The following KATNIP variants were observed in gnomAD, a reference collection of about 807,000 sequenced individuals.
The protein encoded by KATNIP is katanin-interacting protein.
In KATNIP, 126 loss-of-function variants were observed where a neutral mutation model predicts 174.0. That is an observed-to-expected ratio of 0.72 (90% CI 0.63 to 0.84). The LOEUF (loss-of-function observed/expected upper bound fraction) is 0.84, where lower values mean the gene tolerates loss of function less well. KATNIP is among the 40% of genes least tolerant of loss of function. KATNIP has a pLI of 0.00. For missense variants in KATNIP, 1,958 were observed against 2,109.7 expected, an observed-to-expected ratio of 0.93 and a Z score of 1.41; for synonymous variants, 810 against 835.7, an observed-to-expected ratio of 0.97 and a Z score of 0.53.
At chr16:27,670,913 C>T (rs558060019) in intron 6 of KATNIP, among the ~76,000 whole-genome samples, 10 of 152,182 alleles carry the variant, frequency 6.6e-5, no homozygotes, top group South Asian at 2.1e-4. Flanking sequence ...GGGTGCTGGC[C>T]GGGCGTAGTG....
Position 27,749,780 on chromosome 16 carries a change from C to G in KATNIP, c.2820C>G (p.Pro940=), listed in dbSNP as rs144550008. 60 of 1,610,124 alleles carry G rather than the reference C, an allele frequency of 3.7e-5. 1 individual carries two copies. In the African/African-American group the frequency reaches 7.3e-4, roughly 20 times the overall value. Residue 940 remains proline (P), a synonymous_variant, in exon 16 of 28, where the codon CCC becomes CCG. Transcript: ENST00000261588. ...GCAGCCGGCACAGCGACTTGCCCCC[C>G]TCCAAGAAGGGGGAGCAGCCAGGGC... The part of the protein sequence containing the change: ...QKSSRHSDLP[P]SKKGEQPGLS...
Position 27,740,428 on chromosome 16 carries a change from A to C in KATNIP, c.2131A>C (p.Met711Leu). ...LSAVPTSMGD[M>L]PSAPATSPPV... ...GGCAGTCCCCACTTCGATGGGTGAC[A>C]TGCCCAGTGCTCCTGCCACTTCCCC... Residue 711 changes from methionine (M) to leucine (L), a missense_variant, in exon 15 of 28, where the codon ATG becomes CTG. Physicochemically the swap from Met to Leu is conservative, Grantham distance 15. Coordinates refer to ENST00000261588, the MANE Select transcript of KATNIP (RefSeq NM_015202.5). 2.5e-6 allele frequency: 4 copies of C among 1,614,038 alleles called. No homozygotes were observed. The highest frequency in any genetic ancestry group is 3.4e-6 in the Non-Finnish European group (4 of 1,180,036).
chr16:27,574,556 T>G (rs1466736201), intron 2 of KATNIP, among the ~76,000 whole-genome samples: 1 of 136,752 alleles, frequency 7.3e-6, no homozygotes, highest in African/African-American at 2.7e-5. Flanking sequence ...CCACTTTCTA[T>G]TCTTTTTTTT....
intron 8 of KATNIP, among the ~76,000 whole-genome samples, chr16:27,692,196 C>T (rs181815694): frequency 5.3e-5 from 8 of 152,334 alleles, no homozygotes; most frequent in African/African-American, 1.7e-4. Flanking sequence ...TTGCACCCCA[C>T]GTGTCAGGTG....
At position 27,707,048 on chromosome 16, in the gene KATNIP, G is replaced by A. The variant is rs1331440096; in HGVS notation, c.1390-1657G>A. On this transcript the variant is annotated intron_variant, in intron 12 of 27. Coordinates refer to ENST00000261588, the MANE Select transcript of KATNIP (RefSeq NM_015202.5). ...GCCCTATCTTTTATCCAGGAGCTGT[G>A]AGCTGACCTCTCTCCCTCCTCCCTA... Among the ~76,000 whole-genome samples, 3 of 152,166 alleles carry A rather than the reference G, an allele frequency of 2.0e-5. No homozygotes were observed. In the East Asian group the frequency reaches 5.8e-4, roughly 29 times the overall value.
intron 3 of KATNIP, among the ~76,000 whole-genome samples, chr16:27,622,577 C>G (rs979009076): frequency 9.2e-5 from 14 of 152,174 alleles, no homozygotes; most frequent in African/African-American, 3.4e-4. Flanking sequence ...CTCTAGACTG[C>G]AGGGGGTAGA....
In KATNIP at chr16:27,648,693, T is replaced by A. The variant is rs2077033322; in HGVS notation, c.498T>A (p.Asp166Glu). The A allele has an allele frequency of 6.2e-7, 1 of 1,614,066 alleles. No homozygotes were observed. The highest frequency in any genetic ancestry group is 1.3e-5 in the African/African-American group (1 of 74,918). ...CTGATGATTTTGAGCTGTGTGGGGA[T>A]GTGACTCTCCAGGCAAACAACACTT... is the stretch of plus-strand genomic sequence containing the variant. ...DYSDDFELCG[D>E]VTLQANNTSE... The change falls in exon 6 of 28, where the codon GAT (aspartate) becomes GAA (glutamate). Residue 166 changes from aspartate to glutamate, a missense_variant. Physicochemically the swap from Asp to Glu is conservative, Grantham distance 45 (BLOSUM62 2). Around this residue, in one of 3 missense-constraint regions of KATNIP, gnomAD observed 1,557 missense variants for 1,617.8 expected, o/e 0.96. Transcript: ENST00000261588.
At chr16:27,610,627 A>AG (rs983286797) in intron 2 of KATNIP, among the ~76,000 whole-genome samples, 4 of 152,062 alleles carry the variant, frequency 2.6e-5, no homozygotes, top group African/African-American at 9.7e-5. Flanking sequence ...GTACAACATC[A>AG]GGGGGCACAA....
At chr16:27,647,636 G>T (rs920067974) in intron 5 of KATNIP, among the ~76,000 whole-genome samples, 8 of 152,088 alleles carry the variant, frequency 5.3e-5, no homozygotes, top group Non-Finnish European at 1.2e-4. Flanking sequence ...CTCCTGAGTA[G>T]CTGGGACTAC....
intron 1 of KATNIP, among the ~76,000 whole-genome samples, chr16:27,555,367 G>A (rs540578554): frequency 1.3e-5 from 2 of 152,238 alleles, no homozygotes; most frequent in African/African-American, 4.8e-5. Context: ...ATCTGTTTCT[G>A]TGATGCAGTG....
intron 10 of KATNIP, 91 bp downstream of exon 10, chr16:27,699,690 C>A: frequency 6.4e-7 from 1 of 1,565,630 alleles, no homozygotes; most frequent in Non-Finnish European, 8.7e-7. Flanking sequence ...AAGCCCTATG[C>A]ATGTGCATAG....
At chr16:27,560,139 G>A (rs1479571163) in intron 1 of KATNIP, among the ~76,000 whole-genome samples, 4 of 151,268 alleles carry the variant, frequency 2.6e-5, no homozygotes, top group Non-Finnish European at 4.4e-5. Context: ...AAAATTAGCC[G>A]GGCGTGGTGG....
chr16:27,557,824 G>C lies in KATNIP; in HGVS notation c.7+7647G>C, dbSNP rs188092485. 4.2e-3 allele frequency among the ~76,000 whole-genome samples: 634 copies of C among 152,176 alleles called. 3 individuals carry two copies. The highest frequency in any genetic ancestry group is 6.5e-3 in the Non-Finnish European group (439 of 68,004). On this transcript the variant is annotated intron_variant, in intron 1 of 27. Transcript: ENST00000261588. ...ATAATGTTTTGTTTTTTAAATTTTT[G>C]AATTAGTTGTCAACATTGAAAAATG...
intron 5 of KATNIP, among the ~76,000 whole-genome samples, chr16:27,646,387 T>C (rs1171180343): frequency 1.3e-5 from 2 of 152,160 alleles, no homozygotes; most frequent in Non-Finnish European, 2.9e-5. Flanking sequence ...ATTGCTGCCT[T>C]AGGTCCGTTT....
intron 3 of KATNIP, among the ~76,000 whole-genome samples, chr16:27,627,908 A>G (rs577902069): frequency 6.6e-6 from 1 of 152,200 alleles, no homozygotes; most frequent in African/African-American, 2.4e-5. Flanking sequence ...TACTCTGCAT[A>G]TGGCAGTGTG....
intron 2 of KATNIP, among the ~76,000 whole-genome samples, chr16:27,613,024 T>C (rs2075942614): frequency 6.6e-6 from 1 of 151,750 alleles, no homozygotes; most frequent in Admixed American, 6.6e-5. Context: ...TTTGGGAGGC[T>C]GAGGCAAGTG....
intron 2 of KATNIP, among the ~76,000 whole-genome samples, chr16:27,591,989 C>T (rs1318133298): frequency 6.6e-6 from 1 of 152,166 alleles, no homozygotes; most frequent in Non-Finnish European, 1.5e-5. Context: ...CCAGTTTATT[C>T]TGTGTGCCTC....
At chr16:27,675,038 G>T (rs2078062668) in intron 6 of KATNIP, among the ~76,000 whole-genome samples, 1 of 152,310 alleles carries the variant, frequency 6.6e-6, no homozygotes. Context: ...CAAATACAAT[G>T]GTGGATAGGT....
intron 6 of KATNIP, among the ~76,000 whole-genome samples, 175 bp downstream of exon 6, chr16:27,648,910 G>A (rs1230273997): frequency 1.3e-5 from 2 of 152,222 alleles, no homozygotes; most frequent in Non-Finnish European, 2.9e-5. Flanking sequence ...TTGGGCTAGA[G>A]GTCAGCATTC....
Sources: allele counts gnomAD v4.1 joint callset (sites outside exome capture counted in the v4.1 genomes callset), GRCh38; gene constraint gnomAD v4.1.1; regional missense constraint gnomAD v4.1.1; transcripts MANE v1.5; gene names NCBI Gene and HGNC (gene_info 2026-07-23, HGNC 2026-07-21).